Variants in ADAMTS16 observed in about 807,000 individuals in gnomAD.
The protein encoded by ADAMTS16 is ADAM metallopeptidase with thrombospondin type 1 motif 16.
In ADAMTS16, 94 loss-of-function variants were observed where a neutral mutation model predicts 145.8. The observed-to-expected ratio is 0.64, with a 90% CI of 0.55 to 0.77. The LOEUF is 0.77. Among genes scored for constraint, ADAMTS16 ranks in the 30% least tolerant of loss-of-function variants. The probability of loss-of-function intolerance (pLI) is 0.00; values close to 1 mark genes in which losing one functional copy is unlikely to be tolerated. For synonymous variants in ADAMTS16, 659 were observed against 604.3 expected (o/e 1.09, Z -1.33); for missense variants, 1,585 against 1,591.5 (o/e 1.00, Z 0.07).
intron 18 of ADAMTS16, among the ~76,000 whole-genome samples, chr5:5,280,018 C>G (rs1033566497): frequency 1.4e-5 from 2 of 142,992 alleles, no homozygotes; most frequent in African/African-American, 2.6e-5. Context: ...CTACTCTTCT[C>G]TTTGTCTTCT....
rs1739890001 is a variant in ADAMTS16, at chr5:5,303,622, G to A, written c.3042G>A (p.Lys1014=). ...KGWRKRAVAC[K]STNPSARAQL... ...GGAGGAAGCGGGCAGTGGCCTGTAAGAGCACCAACCCCTCGGCCAGAGCGC... is the reference window on the plus strand; with the variant it reads ...GGAGGAAGCGGGCAGTGGCCTGTAAAAGCACCAACCCCTCGGCCAGAGCGC... Residue 1014 remains lysine (K), a synonymous_variant, in exon 20 of 23, where the codon AAG becomes AAA. Transcript: ENST00000274181. 2 of 1,614,038 alleles carry A rather than the reference G, an allele frequency of 1.2e-6. No homozygotes were observed. The highest frequency in any genetic ancestry group is 1.7e-5 in the Admixed American group (1 of 60,014).
At chr5:5,230,808 G>C (rs1323547204) in intron 11 of ADAMTS16, among the ~76,000 whole-genome samples, 1 of 152,162 alleles carries the variant, frequency 6.6e-6, no homozygotes, top group African/African-American at 2.4e-5. Flanking sequence ...GTGCTTCTTT[G>C]ATAAACATCC....
intron 8 of ADAMTS16, 129 bp from the exon 9 acceptor site, chr5:5,200,002 TA>T: frequency 8.7e-7 from 1 of 1,147,316 alleles, no homozygotes; most frequent in Non-Finnish European, 1.2e-6. Context: ...TTGTGACTTT[TA>T]TTTTTGCCTG....
Position 5,232,457 on chromosome 5 carries a change from A to C in ADAMTS16, c.1791A>C (p.Pro597=). 1.2e-6 allele frequency: 2 copies of C among 1,614,032 alleles called. No individual in the cohort carries two copies. Among genetic ancestry groups the C allele is most frequent in the Non-Finnish European group, 1.7e-6 (2 of 1,179,994 alleles). The change falls in exon 12 of 23, where the codon CCA becomes CCC. Residue 597 remains proline, a synonymous_variant. Transcript: ENST00000274181. ...GGTCGGACTGGTCTTCTTGGTCCCC[A>C]TGCTCCAGGACCTGCGGAGGGGGAG... ...GHWSDWSSWS[P]CSRTCGGGVS...
chr5:5,303,504 G>T, intron 19 of ADAMTS16, 35 bp downstream of exon 19: 1 of 1,607,510 alleles, frequency 6.2e-7, no homozygotes, highest in South Asian at 1.1e-5. Context: ...GTGGCAGCAG[G>T]GCCCCTGCAT....
At chr5:5,220,015 G>A (rs537724959) in intron 10 of ADAMTS16, among the ~76,000 whole-genome samples, 32 of 152,154 alleles carry the variant, frequency 2.1e-4, no homozygotes, top group African/African-American at 7.2e-4. Context: ...GTTATTGTAC[G>A]TAAAGCTTTC....
At chr5:5,161,658 C>G (rs1734746266) in intron 3 of ADAMTS16, among the ~76,000 whole-genome samples, 1 of 152,216 alleles carries the variant, frequency 6.6e-6, no homozygotes, top group Non-Finnish European at 1.5e-5. Flanking sequence ...AATTCACCTT[C>G]CATTCACAGG....
chr5:5,187,295 G>T (rs1183790713), intron 5 of ADAMTS16, among the ~76,000 whole-genome samples: 6 of 151,990 alleles, frequency 3.9e-5, no homozygotes, highest in Non-Finnish European at 7.4e-5. Context: ...ACCTCTAATT[G>T]TGTCTTTCTC....
rs202209661 is a variant in ADAMTS16, at chr5:5,182,257, C to T, written c.715C>T (p.Arg239Cys). Residue 239 changes from arginine to cysteine, a missense_variant, in exon 4 of 23, where the codon CGC becomes TGC. Arg to Cys is a radical substitution (Grantham distance 180). This residue lies in a region of ADAMTS16 where 453 missense variants were observed against 412.1 expected (regional missense o/e 1.10). Transcript: ENST00000274181. Reference protein sequence around the residue: ...AHQPLHSSDLRLGLPQKQHFC... With the variant: ...AHQPLHSSDLCLGLPQKQHFC... The stretch of plus-strand genomic sequence containing the variant: ...TCAACCCCTGCACAGCAGCGACCTT[C>T]GCCTGGGACTGCCACAAAAGCAGCA... The T allele has an allele frequency of 2.2e-5, 36 of 1,613,914 alleles. No homozygotes were observed. In the Middle Eastern group the frequency reaches 6.6e-4, roughly 30 times the overall value.
chr5:5,173,196 T>C (rs1735094654), intron 3 of ADAMTS16, among the ~76,000 whole-genome samples: 1 of 150,776 alleles, frequency 6.6e-6, no homozygotes, highest in Admixed American at 6.6e-5. Context: ...TTTTTCTTAA[T>C]CCATTCAGCC....
chr5:5,193,989 C>A (rs143529370), intron 8 of ADAMTS16, among the ~76,000 whole-genome samples: 2,825 of 152,152 alleles, frequency 0.019, 81 homozygotes, highest in African/African-American at 0.065. Context: ...GTAGTCCCAG[C>A]TACTTGGGAG....
At chr5:5,245,154 A>T (rs1284494276) in intron 17 of ADAMTS16, among the ~76,000 whole-genome samples, 1 of 152,212 alleles carries the variant, frequency 6.6e-6, no homozygotes, top group Non-Finnish European at 1.5e-5. Flanking sequence ...CTTTGGAACT[A>T]AATCCTCAAT....
rs370876315 is a variant in ADAMTS16 at position 5,303,498 on chromosome 5, C to A, written c.2991+29C>A. On this transcript the variant is annotated intron_variant, in intron 19 of 22. Coordinates refer to ENST00000274181, the MANE Select transcript of ADAMTS16 (RefSeq NM_139056.4). ...ACCAGGGTGGGGTTGGCATGGGTGGCAGCAGGGCCCCTGCATGATCTGCTG... is the reference window on the plus strand; with the variant it reads ...ACCAGGGTGGGGTTGGCATGGGTGGAAGCAGGGCCCCTGCATGATCTGCTG... 3.7e-5 allele frequency: 60 copies of A among 1,607,360 alleles called. No homozygotes were observed. The African/African-American group carries it at 4.4e-4, about 12-fold the overall frequency.
chr5:5,280,887 G>T (rs1460232505), intron 18 of ADAMTS16, among the ~76,000 whole-genome samples: 1 of 152,170 alleles, frequency 6.6e-6, no homozygotes, highest in African/African-American at 2.4e-5. Flanking sequence ...TTTTACAACT[G>T]GAAATCCCAA....
intron 21 of ADAMTS16, among the ~76,000 whole-genome samples, chr5:5,314,749 T>G (rs1165749543): frequency 2.0e-5 from 3 of 152,156 alleles, no homozygotes; most frequent in Non-Finnish European, 4.4e-5. Flanking sequence ...CACCTGTGCA[T>G]AGGAATCATC....
intron 18 of ADAMTS16, among the ~76,000 whole-genome samples, chr5:5,274,039 A>AAAAT (rs1738587660): frequency 6.6e-6 from 1 of 152,112 alleles, no homozygotes; most frequent in Admixed American, 6.5e-5. Flanking sequence ...ACTTATTTTT[A>AAAAT]AAGACCTTTT....
At chr5:5,234,974 C>T (rs1184750373) in intron 12 of ADAMTS16, 40 bp from the exon 13 acceptor site, 2 of 1,479,382 alleles carry the variant, frequency 1.4e-6, no homozygotes, top group African/African-American at 1.4e-5. Flanking sequence ...TTAGTAGCTA[C>T]TAAAATATAA....
chr5:5,277,428 A>G (rs1295627924), intron 18 of ADAMTS16, among the ~76,000 whole-genome samples: 3 of 152,214 alleles, frequency 2.0e-5, no homozygotes, highest in African/African-American at 4.8e-5. Context: ...CTTGCTCACC[A>G]GGCTGACCAG....
chr5:5,191,801 C>A lies in ADAMTS16; in HGVS notation c.1313+11C>A. 1 of 1,591,604 alleles carries A rather than the reference C, an allele frequency of 6.3e-7. No individual in the cohort carries two copies. Among genetic ancestry groups the A allele is most frequent in the Non-Finnish European group, 8.6e-7 (1 of 1,167,390 alleles). ...TGAGTCTGGACACAAGTAAGTGCAT[C>A]TCCATGGGAGGATGGCATCCCGAGT... On this transcript the variant is annotated intron_variant, in intron 8 of 22. Transcript: ENST00000274181.
Sources: allele counts gnomAD v4.1 joint callset (sites outside exome capture counted in the v4.1 genomes callset), GRCh38; gene constraint gnomAD v4.1.1; regional missense constraint gnomAD v4.1.1; transcripts MANE v1.5; gene names NCBI Gene and HGNC (gene_info 2026-07-23, HGNC 2026-07-21).